The following SLC29A4 variants were observed in gnomAD, a reference collection of about 807,000 sequenced individuals.
SLC29A4 encodes the protein equilibrative nucleoside transporter 4.
In SLC29A4, 36 loss-of-function variants were observed where a neutral mutation model predicts 43.9. The observed-to-expected ratio is 0.82, with a 90% CI of 0.63 to 1.08. The LOEUF is 1.08. Among genes scored for constraint, SLC29A4 ranks in the 50% least tolerant of loss-of-function variants. The pLI is 0.00. For synonymous variants in SLC29A4, 491 were observed against 338.0 expected, an observed-to-expected ratio of 1.45 and a Z score of -4.97; for missense variants, 869 against 755.3, an observed-to-expected ratio of 1.15 and a Z score of -1.77.
intron 1 of SLC29A4, among the ~76,000 whole-genome samples, chr7:5,285,669 C>G (rs184238024): frequency 2.6e-4 from 40 of 152,320 alleles, no homozygotes; most frequent in Non-Finnish European, 3.4e-4. Flanking sequence ...AAATGAGACC[C>G]AGGAGATGGG....
At chr7:5,302,334 A>G (rs1473748411) in intron 10 of SLC29A4, among the ~76,000 whole-genome samples, 1 of 152,144 alleles carries the variant, frequency 6.6e-6, no homozygotes, top group African/African-American at 2.4e-5. Flanking sequence ...TAGGACTATC[A>G]CTTGGGACCA....
At chr7:5,295,887 G>A (rs1340911385) in intron 6 of SLC29A4, among the ~76,000 whole-genome samples, 4 of 152,120 alleles carry the variant, frequency 2.6e-5, no homozygotes, top group African/African-American at 9.7e-5. Flanking sequence ...TGGAGTCAAG[G>A]GCCGCGCAGA....
chr7:5,292,769 A>G (rs1785390484), intron 5 of SLC29A4, among the ~76,000 whole-genome samples: 1 of 130,910 alleles, frequency 7.6e-6, no homozygotes, highest in South Asian at 2.4e-4. Flanking sequence ...CACCATCTCA[A>G]CTCACTGCAA....
Position 5,299,052 on chromosome 7 carries a change from C to G in SLC29A4, c.947C>G (p.Thr316Ser). 6.2e-7 allele frequency: 1 copy of G among 1,612,102 alleles called. No homozygotes were observed. The highest frequency in any genetic ancestry group is 8.5e-7 in the Non-Finnish European group (1 of 1,179,830). The stretch of plus-strand genomic sequence containing the variant: ...AAGGACAGCCCAGCCCACGAGGTGA[C>G]CGGCAGCGGCGGGGCCTACATGCGC... The part of the protein sequence containing the change: ...SPKDSPAHEV[T>S]GSGGAYMRFD... Residue 316 changes from threonine (T) to serine (S), a missense_variant, in exon 8 of 11, where the codon ACC becomes AGC. Coordinates refer to ENST00000396872, the MANE Select transcript of SLC29A4 (RefSeq NM_153247.4).
intron 2 of SLC29A4, among the ~76,000 whole-genome samples, chr7:5,288,756 C>T (rs1283551192): frequency 3.3e-5 from 5 of 152,148 alleles, no homozygotes; most frequent in Admixed American, 6.5e-5. Flanking sequence ...TGACGTTAGG[C>T]AAGGGCCTAA....
intron 10 of SLC29A4, among the ~76,000 whole-genome samples, chr7:5,301,918 C>A (rs1038904875): frequency 6.6e-6 from 1 of 152,058 alleles, no homozygotes; most frequent in Non-Finnish European, 1.5e-5. Flanking sequence ...CCAAATTGTT[C>A]CTGATAGGGA....
rs769633749 is a variant in SLC29A4 at position 5,291,697 on chromosome 7, C to T, written c.420C>T (p.Tyr140=). ...LTLHTRITAG[Y]LLALGPLLFI... is the part of the protein sequence containing the mutation. ...CACTAGCCTCTCCCCCAACAGGCTA[C>T]CTCTTAGCCTTGGGCCCTCTCCTTT... The change falls in exon 5 of 11, where the codon TAC becomes TAT. Residue 140 remains tyrosine (Y), a synonymous_variant. Transcript: ENST00000396872. The T allele has an allele frequency of 8.1e-6, 13 of 1,609,328 alleles. No individual in the cohort carries two copies. Among genetic ancestry groups the T allele is most frequent in the Non-Finnish European group, 1.1e-5 (13 of 1,178,362 alleles).
At chr7:5,284,133 C>T (rs958049569) in intron 1 of SLC29A4, among the ~76,000 whole-genome samples, 1 of 150,842 alleles carries the variant, frequency 6.6e-6, no homozygotes, top group Admixed American at 6.7e-5. Context: ...CTCCTGTAAT[C>T]TTGGTTCTGG....
Position 5,302,941 on chromosome 7 carries a change from C to G in SLC29A4, c.*2C>G, listed in dbSNP as rs965055278. 5.0e-6 allele frequency: 8 copies of G among 1,604,412 alleles called. No individual in the cohort carries two copies. The highest frequency in any genetic ancestry group is 6.8e-6 in the Non-Finnish European group (8 of 1,176,758). ...GGTTCCATCCTCGCAGGCCTCTGAG[C>G]CAGCCCCGCCCACTGCCAGGGACGC... On this transcript the variant is annotated 3_prime_UTR_variant, in exon 11 of 11. Transcript: ENST00000396872.
intron 6 of SLC29A4, 106 bp from the exon 7 acceptor site, chr7:5,296,830 G>A (rs1785708083): frequency 7.7e-7 from 1 of 1,299,530 alleles, no homozygotes; most frequent in South Asian, 1.6e-5. Flanking sequence ...GTGGTGGAGG[G>A]CGGGGCCGGT....
rs918810354 is a variant in SLC29A4, at chr7:5,304,735, C to A, written c.*1796C>A. The A allele has an allele frequency of 6.6e-6, 1 of 152,244 alleles. No homozygotes were observed. The allele number at this position is 152,244 out of a possible 1,614,324, so 9.4% of individuals were successfully genotyped here. A position where few individuals can be genotyped will look rare whatever the true frequency, so the allele number is the denominator to read the frequency against. ...GCCATGCTGGTCTCGAACTCCTGAT[C>A]TCAAGTGATCCATCTGTCTCATCCT... is the stretch of plus-strand genomic sequence containing the variant. On this transcript the variant is annotated 3_prime_UTR_variant, in exon 11 of 11. Coordinates refer to ENST00000396872, the MANE Select transcript of SLC29A4 (RefSeq NM_153247.4).
chr7:5,289,264 G>A (rs919478475), intron 2 of SLC29A4, among the ~76,000 whole-genome samples: 5 of 152,140 alleles, frequency 3.3e-5, no homozygotes, highest in African/African-American at 1.2e-4. Flanking sequence ...GGGTGTGGTG[G>A]CACACGCCTG....
chr7:5,292,143 C>T (rs1159456231), intron 5 of SLC29A4, among the ~76,000 whole-genome samples: 2 of 152,188 alleles, frequency 1.3e-5, no homozygotes, highest in South Asian at 2.1e-4. Context: ...TTTGATCTGA[C>T]TTTGTCACCC....
In SLC29A4 at chr7:5,291,129, T is replaced by G. The variant is rs1562444782; in HGVS notation, c.307T>G (p.Ser103Ala). 3.1e-6 allele frequency: 5 copies of G among 1,613,736 alleles called. No individual in the cohort carries two copies. The highest frequency in any genetic ancestry group is 4.2e-6 in the Non-Finnish European group (5 of 1,179,988). The change falls in exon 4 of 11, where the codon TCC (serine) becomes GCC (alanine). Residue 103 changes from serine (S) to alanine (A), a missense_variant. Coordinates refer to ENST00000396872, the MANE Select transcript of SLC29A4 (RefSeq NM_153247.4). ...DYLHHKYPGT[S>A]IVFDMSLTYI... ...CTGTCTCTGGCCCTCTGCAGGGACC[T>G]CCATCGTGTTTGACATGAGCCTCAC... is the stretch of plus-strand genomic sequence containing the variant.
chr7:5,295,858 A>G (rs1264944671), intron 6 of SLC29A4, among the ~76,000 whole-genome samples: 2 of 152,210 alleles, frequency 1.3e-5, no homozygotes, highest in Non-Finnish European at 2.9e-5. Flanking sequence ...GTGCCGGCAC[A>G]CTGATGTCGC....
intron 1 of SLC29A4, among the ~76,000 whole-genome samples, chr7:5,283,463 T>TGGTCTCC (rs1554260885): frequency 6.6e-6 from 1 of 151,940 alleles, no homozygotes; most frequent in African/African-American, 2.4e-5. Flanking sequence ...AGGCGGGGCC[T>TGGTCTCC]GGGCTCCGGG....
rs878925591 is a variant in SLC29A4 at position 5,290,651 on chromosome 7, G to C, written c.170-81G>C. 8.6e-5 allele frequency: 132 copies of C among 1,527,846 alleles called. 1 individual carries two copies. The highest frequency in any genetic ancestry group is 3.5e-4 in the Middle Eastern group (2 of 5,734). The allele number at this position is 1,527,846 out of a possible 1,614,324, so 94.6% of individuals were successfully genotyped here. A position where few individuals can be genotyped will look rare whatever the true frequency, so the allele number is the denominator to read the frequency against. On this transcript the variant is annotated intron_variant, in intron 2 of 10. Transcript: ENST00000396872. ...GACAGTGGCTATGGTGATGGCGGCC[G>C]GGGTGGTGGACATCGCCCTGTGCGG...
At chr7:5,293,180 T>G (rs1785424518) in intron 5 of SLC29A4, among the ~76,000 whole-genome samples, 1 of 148,992 alleles carries the variant, frequency 6.7e-6, no homozygotes. Context: ...TTTTTTTTTT[T>G]TTGAGATGGA....
At chr7:5,290,619 G>T (rs545187421) in intron 2 of SLC29A4, 113 bp from the exon 3 acceptor site, 2 of 1,385,762 alleles carry the variant, frequency 1.4e-6, no homozygotes, top group Admixed American at 2.2e-5. Flanking sequence ...CAGGGGTCAC[G>T]GTGATGGACA....
Sources: allele counts gnomAD v4.1 joint callset (sites outside exome capture counted in the v4.1 genomes callset), GRCh38; gene constraint gnomAD v4.1.1; transcripts MANE v1.5; gene names NCBI Gene and HGNC (gene_info 2026-07-23, HGNC 2026-07-21).